Variants in DLG2 observed in about 807,000 individuals in gnomAD.
The protein encoded by DLG2 is disks large homolog 2.
DLG2 carries 45 observed loss-of-function variants against 132.5 expected under a neutral mutation model. The observed-to-expected ratio is 0.34, with a 90% CI of 0.27 to 0.44. The LOEUF is 0.44. Ranked by LOEUF, DLG2 falls within the 20% of genes least tolerant of loss-of-function variation. The pLI is 1.00. For missense variants in DLG2, 1,045 were observed against 1,196.9 expected (o/e 0.87, Z 1.87); for synonymous variants, 424 against 419.6 (o/e 1.01, Z -0.13).
intron 8 of DLG2, among the ~76,000 whole-genome samples, chr11:84,248,621 C>T (rs976369628): frequency 2.6e-5 from 4 of 151,944 alleles, no homozygotes; most frequent in South Asian, 2.1e-4. Context: ...TTTGGGAGGC[C>T]GAGGTGGGCA....
intron 3 of DLG2, among the ~76,000 whole-genome samples, chr11:85,531,493 G>A (rs572706050): frequency 2.0e-5 from 3 of 152,296 alleles, no homozygotes; most frequent in African/African-American, 7.2e-5. Flanking sequence ...TGAAAAATTA[G>A]AGCCTCTCAT....
intron 15 of DLG2, among the ~76,000 whole-genome samples, chr11:83,902,855 A>AT (rs2073839980): frequency 6.6e-6 from 1 of 152,136 alleles, no homozygotes; most frequent in Non-Finnish European, 1.5e-5. Context: ...CTCTAAATGG[A>AT]TAGTGGGCAA....
At chr11:84,792,244 G>C (rs1001285437) in intron 6 of DLG2, among the ~76,000 whole-genome samples, 2 of 152,082 alleles carry the variant, frequency 1.3e-5, no homozygotes, top group African/African-American at 4.8e-5. Flanking sequence ...TGATTGATTT[G>C]TATATGTTGA....
At chr11:84,505,705 T>C (rs2099237172) in intron 7 of DLG2, among the ~76,000 whole-genome samples, 1 of 152,156 alleles carries the variant, frequency 6.6e-6, no homozygotes, top group Admixed American at 6.5e-5. Context: ...CATTATTTAA[T>C]AGTAGCAATA....
intron 3 of DLG2, among the ~76,000 whole-genome samples, chr11:85,474,446 C>A (rs1239939037): frequency 1.3e-5 from 2 of 151,742 alleles, no homozygotes; most frequent in Admixed American, 6.6e-5. Context: ...AATATATTTC[C>A]ATTAGTAATT....
intron 7 of DLG2, among the ~76,000 whole-genome samples, chr11:84,355,079 TCTC>T (rs2098603038): frequency 1.3e-5 from 2 of 151,980 alleles, no homozygotes; most frequent in South Asian, 4.1e-4. Context: ...AGTGTATAGT[TCTC>T]CTACCCCAGA....
intron 6 of DLG2, among the ~76,000 whole-genome samples, chr11:84,574,602 T>C (rs761136392): frequency 2.0e-5 from 3 of 152,172 alleles, no homozygotes; most frequent in Non-Finnish European, 4.4e-5. Context: ...TAGACACATG[T>C]TAACACTCAT....
At chr11:83,849,263 A>G (rs1349578354) in intron 16 of DLG2, among the ~76,000 whole-genome samples, 5 of 150,686 alleles carry the variant, frequency 3.3e-5, no homozygotes, top group Non-Finnish European at 7.4e-5. Context: ...ATAAATGCAA[A>G]TTCCTGGACC....
intron 6 of DLG2, among the ~76,000 whole-genome samples, chr11:84,744,558 C>T (rs2065108184): frequency 6.6e-6 from 1 of 152,140 alleles, no homozygotes; most frequent in Non-Finnish European, 1.5e-5. Flanking sequence ...TTAGGCAGCA[C>T]TTTTCTATAA....
chr11:84,577,428 T>C (rs1398664991), intron 6 of DLG2, among the ~76,000 whole-genome samples: 2 of 152,228 alleles, frequency 1.3e-5, no homozygotes, highest in Non-Finnish European at 2.9e-5. Context: ...AAAATGCTGA[T>C]AGATATATGG....
chr11:83,984,921 A>G (rs2093134099), intron 11 of DLG2, among the ~76,000 whole-genome samples: 1 of 152,150 alleles, frequency 6.6e-6, no homozygotes, highest in African/African-American at 2.4e-5. Context: ...GAACACTAGA[A>G]AGATCTATTT....
intron 18 of DLG2, among the ~76,000 whole-genome samples, chr11:83,744,365 C>T (rs1293554327): frequency 6.6e-6 from 1 of 152,198 alleles, no homozygotes; most frequent in Non-Finnish European, 1.5e-5. Context: ...CTGATTAAAT[C>T]ATATGGTGAC....
At chr11:83,926,797 C>G (rs773748846) in intron 15 of DLG2, among the ~76,000 whole-genome samples, 42 of 152,062 alleles carry the variant, frequency 2.8e-4, no homozygotes, top group Non-Finnish European at 2.2e-4. Context: ...GAACAGCACA[C>G]AGGTGATGGT....
intron 3 of DLG2, among the ~76,000 whole-genome samples, chr11:85,459,243 A>G (rs763264341): frequency 6.6e-6 from 1 of 152,146 alleles, no homozygotes; most frequent in African/African-American, 2.4e-5. Context: ...TCTACCTCAG[A>G]AAAATGTAGA....
At chr11:84,438,884 C>T (rs2099009239) in intron 7 of DLG2, among the ~76,000 whole-genome samples, 1 of 152,182 alleles carries the variant, frequency 6.6e-6, no homozygotes, top group African/African-American at 2.4e-5. Context: ...CAAAGAATGT[C>T]AACACACTTG....
intron 18 of DLG2, among the ~76,000 whole-genome samples, chr11:83,650,765 G>A (rs925649966): frequency 3.3e-5 from 5 of 152,140 alleles, no homozygotes; most frequent in African/African-American, 1.2e-4. Flanking sequence ...TTAAGGAAGT[G>A]TATAAAATTT....
chr11:84,857,707 A>C (rs2082975635), intron 6 of DLG2, among the ~76,000 whole-genome samples: 1 of 152,020 alleles, frequency 6.6e-6, no homozygotes, highest in Admixed American at 6.6e-5. Context: ...CCAGAATTAT[A>C]CTCATCTCAA....
intron 3 of DLG2, among the ~76,000 whole-genome samples, chr11:85,457,221 C>A (rs924969878): frequency 3.5e-5 from 5 of 144,662 alleles, no homozygotes; most frequent in African/African-American, 1.3e-4. Context: ...GGCTTAAAGT[C>A]TCTTTTGTCT....
At chr11:84,999,723 A>G (rs931227416) in intron 6 of DLG2, among the ~76,000 whole-genome samples, 3 of 152,124 alleles carry the variant, frequency 2.0e-5, no homozygotes, top group Non-Finnish European at 4.4e-5. Flanking sequence ...CGCATCATCA[A>G]ATTGATTACT....
Sources: gnomAD v4.1 joint callset for allele counts (sites outside exome capture counted in the v4.1 genomes callset) on GRCh38, gnomAD v4.1.1 for gene constraint, MANE v1.5 for transcripts, NCBI Gene and HGNC (gene_info 2026-07-23, HGNC 2026-07-21) for gene names.